BICD1: variants seen among roughly 807,000 people sequenced by gnomAD.
BICD1 encodes the protein BICD cargo adaptor 1.
Under a neutral mutation model 92.5 loss-of-function variants are expected in BICD1, and 35 were observed. The observed-to-expected ratio is 0.38, with a 90% CI of 0.29 to 0.50. The LOEUF is 0.50. Ranked by LOEUF, BICD1 falls within the 20% of genes least tolerant of loss-of-function variation. The pLI, the probability that BICD1 is intolerant of heterozygous loss-of-function variation, is 0.93. For missense variants in BICD1, 950 were observed against 1,189.8 expected (o/e 0.80, Z 2.97); for synonymous variants, 429 against 465.1 (o/e 0.92, Z 1.00).
At chr12:32,231,086 C>A (rs1018939360) in intron 2 of BICD1, among the ~76,000 whole-genome samples, 1 of 152,138 alleles carries the variant, frequency 6.6e-6, no homozygotes, top group Non-Finnish European at 1.5e-5. Flanking sequence ...GTCAGTTGCT[C>A]TTTATTCAAA....
At chr12:32,346,158 A>G (rs1161018995) in intron 8 of BICD1, among the ~76,000 whole-genome samples, 1 of 149,224 alleles carries the variant, frequency 6.7e-6, no homozygotes, top group Non-Finnish European at 1.5e-5. Context: ...CAAAAAATAA[A>G]TAAAAAGAAA....
chr12:32,112,753 A>G (rs1172282012), intron 1 of BICD1, among the ~76,000 whole-genome samples: 1 of 152,222 alleles, frequency 6.6e-6, no homozygotes, highest in Admixed American at 6.5e-5. Context: ...ATGTGGAGCC[A>G]TTGAAAATAA....
At chr12:32,115,310 T>G in intron 1 of BICD1, among the ~76,000 whole-genome samples, 1 of 152,172 alleles carries the variant, frequency 6.6e-6, no homozygotes, top group Non-Finnish European at 1.5e-5. Context: ...TGTTAACACT[T>G]TGCTGAGTAT....
intron 2 of BICD1, among the ~76,000 whole-genome samples, chr12:32,283,246 A>G (rs1367616765): frequency 6.6e-6 from 1 of 152,098 alleles, no homozygotes; most frequent in East Asian, 1.9e-4. Flanking sequence ...GAGATTCAGG[A>G]CTATTTGTTT....
intron 2 of BICD1, among the ~76,000 whole-genome samples, chr12:32,244,431 A>G (rs1946317926): frequency 6.6e-6 from 1 of 152,066 alleles, no homozygotes; most frequent in South Asian, 2.1e-4. Flanking sequence ...TACCCAATAC[A>G]TATAATCTCT....
At chr12:32,342,842 T>G (rs2136289256) in intron 8 of BICD1, among the ~76,000 whole-genome samples, 1 of 152,300 alleles carries the variant, frequency 6.6e-6, no homozygotes, top group African/African-American at 2.4e-5. Context: ...ATGCACAATT[T>G]CTCCATTCTG....
At chr12:32,231,252 G>A (rs1645834055) in intron 2 of BICD1, among the ~76,000 whole-genome samples, 1 of 152,112 alleles carries the variant, frequency 6.6e-6, no homozygotes, top group South Asian at 2.1e-4. Flanking sequence ...GGAGGTCAAG[G>A]TGAGTGGATC....
chr12:32,149,780 C>T (rs1943233436), intron 1 of BICD1, among the ~76,000 whole-genome samples: 1 of 152,142 alleles, frequency 6.6e-6, no homozygotes, highest in Admixed American at 6.5e-5. Flanking sequence ...CAGATGGTGC[C>T]TTCTTATGGC....
At chr12:32,227,309 C>G (rs1436750794) in intron 2 of BICD1, 1 of 152,306 alleles carries the variant, frequency 6.6e-6, no homozygotes, top group Non-Finnish European at 1.5e-5. Flanking sequence ...CAAGGCCCTC[C>G]ATCGCCTCCC....
chr12:32,116,783 T>C (rs1262216922), intron 1 of BICD1, among the ~76,000 whole-genome samples: 2 of 151,884 alleles, frequency 1.3e-5, no homozygotes, highest in Non-Finnish European at 2.9e-5. Context: ...TTTTGTTATG[T>C]TGCTCAGGCT....
At chr12:32,110,397 A>G (rs1941641138) in intron 1 of BICD1, among the ~76,000 whole-genome samples, 1 of 152,196 alleles carries the variant, frequency 6.6e-6, no homozygotes, top group Non-Finnish European at 1.5e-5. Flanking sequence ...ACTTGAAAGA[A>G]TAGTACTAAG....
intron 1 of BICD1, among the ~76,000 whole-genome samples, chr12:32,121,504 A>C (rs1039582200): frequency 6.6e-6 from 1 of 151,718 alleles, no homozygotes; most frequent in Non-Finnish European, 1.5e-5. Flanking sequence ...GAGGCAGGAG[A>C]AACTCTTGAA....
chr12:32,194,578 T>A (rs958914356), intron 1 of BICD1, among the ~76,000 whole-genome samples: 1 of 152,074 alleles, frequency 6.6e-6, no homozygotes, highest in Non-Finnish European at 1.5e-5. Context: ...CTATTTACAA[T>A]AGCATCAGAA....
intron 2 of BICD1, among the ~76,000 whole-genome samples, chr12:32,233,451 G>A (rs985657167): frequency 6.6e-6 from 1 of 151,710 alleles, no homozygotes; most frequent in Admixed American, 6.6e-5. Flanking sequence ...TTTAAAATGC[G>A]GAACTCGTAT....
At chr12:32,189,010 C>T (rs1036658560) in intron 1 of BICD1, among the ~76,000 whole-genome samples, 3 of 152,196 alleles carry the variant, frequency 2.0e-5, no homozygotes, top group African/African-American at 7.2e-5. Context: ...CACTAAGTAT[C>T]TTTATCGCAC....
chr12:32,241,297 A>T (rs1448269939), intron 2 of BICD1, among the ~76,000 whole-genome samples: 1 of 152,214 alleles, frequency 6.6e-6, no homozygotes, highest in Non-Finnish European at 1.5e-5. Flanking sequence ...GAATAGCTGC[A>T]TGTATAAGGG....
rs188200919 is a variant in BICD1, at chr12:32,313,690, A to G, written c.1005+7568A>G. Among the ~76,000 whole-genome samples the G allele has an allele frequency of 1.0e-3, 153 of 152,318 alleles. No homozygotes were observed. The highest frequency in any genetic ancestry group is 3.5e-3 in the African/African-American group (145 of 41,574). On this transcript the variant is annotated intron_variant, in intron 4 of 9. Coordinates refer to ENST00000652176, the MANE Select transcript of BICD1 (RefSeq NM_001714.4). The surrounding 1 kb of genome is among the most constrained non-coding windows in gnomAD (Gnocchi z 4.2). ...ACAGATTTTATAGTTAGAGATTACA[A>G]ACTAGCTGGGCGCAGTGGCTCATAC...
At chr12:32,119,975 T>C (rs990873508) in intron 1 of BICD1, among the ~76,000 whole-genome samples, 2 of 152,372 alleles carry the variant, frequency 1.3e-5, no homozygotes, top group South Asian at 4.1e-4. Flanking sequence ...AATGAAAATA[T>C]TAAATCCTTC....
chr12:32,276,811 G>C (rs1005245119), intron 2 of BICD1, among the ~76,000 whole-genome samples: 2 of 152,200 alleles, frequency 1.3e-5, no homozygotes, highest in East Asian at 1.9e-4. Flanking sequence ...AAATATTTCA[G>C]CTTTTATTTT....
Sources: gnomAD v4.1 joint callset for allele counts (sites outside exome capture counted in the v4.1 genomes callset) on GRCh38, gnomAD v4.1.1 for gene constraint, Gnocchi (gnomAD v3.1) non-coding constraint, MANE v1.5 for transcripts, NCBI Gene and HGNC (gene_info 2026-07-23, HGNC 2026-07-21) for gene names.